The following PKD1L1 variants were observed in gnomAD, a reference collection of about 807,000 sequenced individuals.
PKD1L1 encodes the protein polycystin 1 like 1, transient receptor potential channel interacting, also known as polycystin-1-like protein 1.
PKD1L1 carries 236 observed loss-of-function variants against 323.4 expected under a neutral mutation model. That is an observed-to-expected ratio of 0.73 (90% CI 0.66 to 0.81). The LOEUF (loss-of-function observed/expected upper bound fraction) is 0.81, where lower values mean the gene tolerates loss of function less well. Ranked by LOEUF, PKD1L1 falls within the 40% of genes least tolerant of loss-of-function variation. The pLI is 0.00. For synonymous variants in PKD1L1, 1,344 were observed against 1,335.0 expected, an observed-to-expected ratio of 1.01 and a Z score of -0.15; for missense variants, 3,320 against 3,508.0, an observed-to-expected ratio of 0.95 and a Z score of 1.35.
At chr7:47,834,410 A>G (rs1785413065) in intron 39 of PKD1L1, 25 bp from the exon 40 acceptor site, 3 of 1,601,712 alleles carry the variant, frequency 1.9e-6, no homozygotes, top group Non-Finnish European at 2.6e-6. Context: ...TAAAAATCCA[A>G]TGTACGATGC....
chr7:47,887,772 G>A (rs1446160277), intron 17 of PKD1L1, among the ~76,000 whole-genome samples: 1 of 152,222 alleles, frequency 6.6e-6, no homozygotes, highest in Non-Finnish European at 1.5e-5. Context: ...ACTGAGGTCA[G>A]AAGCAGCCCT....
At position 47,873,944 on chromosome 7, in the gene PKD1L1, G is replaced by A; in HGVS notation, c.3851C>T (p.Thr1284Ile). The A allele has an allele frequency of 1.9e-6, 3 of 1,614,132 alleles. No homozygotes were observed. Among genetic ancestry groups the A allele is most frequent in the Non-Finnish European group, 1.7e-6 (2 of 1,180,010 alleles). Residue 1284 changes from threonine (T) to isoleucine (I), a missense_variant, in exon 24 of 57, where the codon ACT becomes ATT. By Grantham distance (89) the Thr-to-Ile change is moderately conservative. Coordinates refer to ENST00000289672, the MANE Select transcript of PKD1L1 (RefSeq NM_138295.5). ...ATTTCCATGGTAGCGGGGCAGCACA[G>A]TCACCACCACAGTGCACGGCTGGAC... Reference protein sequence around the residue: ...SKVQPCTVVVTVLPRYHGNDC... With the variant: ...SKVQPCTVVVIVLPRYHGNDC...
chr7:47,923,124 T>G (rs985952778), intron 7 of PKD1L1, among the ~76,000 whole-genome samples: 6 of 152,108 alleles, frequency 3.9e-5, no homozygotes, highest in Non-Finnish European at 7.4e-5. Flanking sequence ...AAACAGATGC[T>G]TGAAGGCAGC....
chr7:47,955,728 T>C, the PKD1L1 span, among the ~76,000 whole-genome samples: 1 of 152,218 alleles, frequency 6.6e-6, no homozygotes, highest in African/African-American at 2.4e-5. Flanking sequence ...CCTATAAGTA[T>C]TGAGTCAAAG....
intron 56 of PKD1L1, among the ~76,000 whole-genome samples, chr7:47,783,470 C>T (rs1786741242): frequency 6.6e-6 from 1 of 152,152 alleles, no homozygotes; most frequent in African/African-American, 2.4e-5. Context: ...TTTACATTTG[C>T]TTAAATGTAT....
chr7:47,902,444 G>T lies in PKD1L1; in HGVS notation c.1999C>A (p.Leu667Ile), dbSNP rs763614375. 6.2e-7 allele frequency: 1 copy of T among 1,614,168 alleles called. No homozygotes were observed. Among genetic ancestry groups the T allele is most frequent in the Non-Finnish European group, 8.5e-7 (1 of 1,179,996 alleles). Residue 667 changes from leucine (L) to isoleucine (I), a missense_variant, in exon 13 of 57, where the codon CTT (leucine) becomes ATT (isoleucine). Leu to Ile is a conservative substitution (Grantham distance 5). Transcript: ENST00000289672. ...TGGCAGGGCTCGCACACGATGAAAA[G>T]TTGCTGTCTTAGAGTGGAGGCACTG... ...NVSASTLRQQ[L>I]FIVCEPCQPP... is the part of the protein sequence containing the mutation.
chr7:47,855,323 A>G, intron 28 of PKD1L1, 58 bp from the exon 29 acceptor site: 1 of 1,326,074 alleles, frequency 7.5e-7, no homozygotes, highest in Non-Finnish European at 1.1e-6. Context: ...CTTAAGTGAG[A>G]AAAGCAGCAA....
intron 11 of PKD1L1, among the ~76,000 whole-genome samples, chr7:47,904,889 A>G (rs937106090): frequency 1.1e-4 from 17 of 152,174 alleles, no homozygotes; most frequent in African/African-American, 3.9e-4. Context: ...GGAATTTCTT[A>G]GGTCACATGG....
At chr7:47,842,113 C>T (rs1490651213) in intron 34 of PKD1L1, among the ~76,000 whole-genome samples, 1 of 152,176 alleles carries the variant, frequency 6.6e-6, no homozygotes, top group Admixed American at 6.5e-5. Context: ...AAAGCTTCAC[C>T]ACTAAATCTT....
chr7:47,953,890 T>C, the PKD1L1 span, among the ~76,000 whole-genome samples: 2 of 152,258 alleles, frequency 1.3e-5, no homozygotes, highest in African/African-American at 4.8e-5. Flanking sequence ...CACTCTGTTC[T>C]GGTTCTCACT....
rs777081689 is a variant in PKD1L1, at chr7:47,902,424, G to A, written c.2019C>T (p.Pro673=). The A allele has an allele frequency of 1.2e-6, 2 of 1,614,204 alleles. No individual in the cohort carries two copies. Among genetic ancestry groups the A allele is most frequent in the Admixed American group, 3.3e-5 (2 of 60,026 alleles). Residue 673 remains proline (P), a synonymous_variant, in exon 13 of 57, where the codon CCC becomes CCT. Transcript: ENST00000289672. ...LRQQLFIVCE[P]CQPPLVKNMG... is the part of the protein sequence containing the mutation. ...TGTTCTTCACCAGGGGTGGCTGGCAGGGCTCGCACACGATGAAAAGTTGCT... is the reference window on the plus strand; with the variant it reads ...TGTTCTTCACCAGGGGTGGCTGGCAAGGCTCGCACACGATGAAAAGTTGCT...
chr7:47,865,233 C>T lies in PKD1L1; in HGVS notation c.4132G>A (p.Val1378Met), dbSNP rs769015726. The T allele has an allele frequency of 3.7e-6, 6 of 1,613,086 alleles. No homozygotes were observed. Among genetic ancestry groups the T allele is most frequent in the South Asian group, 1.1e-5 (1 of 90,970 alleles). Residue 1378 changes from valine to methionine, a missense_variant, in exon 26 of 57, where the codon GTG (valine) becomes ATG (methionine). By Grantham distance (21) the Val-to-Met change is conservative. Coordinates refer to ENST00000289672, the MANE Select transcript of PKD1L1 (RefSeq NM_138295.5). ...GCACTTACCTTATTAGAGAAGCTCA[C>T]GAGGTCCCTCAACATAAGAACAGAA... ...IGSVLMLRDL[V>M]SFSNKLGFMS...
chr7:47,784,235 C>T (rs1409571688), intron 56 of PKD1L1, among the ~76,000 whole-genome samples: 1 of 152,194 alleles, frequency 6.6e-6, no homozygotes, highest in Non-Finnish European at 1.5e-5. Context: ...AGGCTGTCTG[C>T]TTCAACATTT....
In PKD1L1 at chr7:47,865,113, A is replaced by C. The variant is rs144009115; in HGVS notation, c.4149+103T>G. On this transcript the variant is annotated intron_variant, in intron 26 of 56. Transcript: ENST00000289672. ...AAGGGAAAATCACATTTCTAATCTA[A>C]GTGTCAAACTATGATTCTGGACAGT... 5.6e-5 allele frequency: 44 copies of C among 782,634 alleles called. No individual in the cohort carries two copies. The African/African-American group carries it at 6.0e-4, about 11-fold the overall frequency. 48.5% of individuals were successfully genotyped at this position (782,634 alleles called of 1,614,324 possible).
intron 7 of PKD1L1, among the ~76,000 whole-genome samples, chr7:47,919,907 A>G (rs570741387): frequency 1.3e-5 from 2 of 152,180 alleles, no homozygotes; most frequent in African/African-American, 2.4e-5. Context: ...CACAGCCAAC[A>G]TAATACTGAA....
In PKD1L1 at chr7:47,890,714, C is replaced by T. The variant is rs759931477; in HGVS notation, c.2503G>A (p.Asp835Asn). ...TAGSPAHPCF[D>N]SSTAHQLDAA... ...TCCAGTTGGTGTGCAGTGGAGGAGT[C>T]GAAGCAGGGATGTGCTGGGGAGCCA... The change falls in exon 16 of 57, where the codon GAC becomes AAC. Residue 835 changes from aspartate to asparagine, a missense_variant. Transcript: ENST00000289672. 2.7e-5 allele frequency: 43 copies of T among 1,613,186 alleles called. No individual in the cohort carries two copies. In the South Asian group the frequency reaches 3.3e-4, roughly 12 times the overall value.
intron 7 of PKD1L1, among the ~76,000 whole-genome samples, chr7:47,923,544 T>TA (rs929618736): frequency 2.0e-5 from 3 of 150,944 alleles, no homozygotes; most frequent in Admixed American, 6.6e-5. Flanking sequence ...AAATAAATTT[T>TA]AAAAAAAACA....
intron 41 of PKD1L1, 72 bp from the exon 42 acceptor site, chr7:47,831,424 G>A: frequency 6.5e-7 from 1 of 1,532,360 alleles, no homozygotes; most frequent in African/African-American, 1.4e-5. Context: ...GAGTGTGGTG[G>A]TGAATCTTAG....
At chr7:47,827,262 C>A in intron 45 of PKD1L1, 88 bp downstream of exon 45, 1 of 1,183,468 alleles carries the variant, frequency 8.4e-7, no homozygotes, top group Non-Finnish European at 1.2e-6. Context: ...GGAGAACAAT[C>A]TCCCAGGAGG....
Sources: gnomAD v4.1 joint callset for allele counts (sites outside exome capture counted in the v4.1 genomes callset) on GRCh38, gnomAD v4.1.1 for gene constraint, MANE v1.5 for transcripts, NCBI Gene and HGNC (gene_info 2026-07-23, HGNC 2026-07-21) for gene names.